The following PLCL2 variants were observed in gnomAD, a reference collection of about 807,000 sequenced individuals.
The protein encoded by PLCL2 is phospholipase C like 2.
A neutral mutation model predicts 79.6 loss-of-function variants in PLCL2; 4 were observed. The observed-to-expected ratio is 0.05, with a 90% CI of 0.02 to 0.11. The LOEUF (loss-of-function observed/expected upper bound fraction) is 0.11. Ranked by LOEUF, PLCL2 falls within the 10% of genes least tolerant of loss-of-function variation. PLCL2 has a pLI of 1.00. For missense variants in PLCL2, 895 were observed against 1,291.0 expected, an observed-to-expected ratio of 0.69 and a Z score of 4.70; for synonymous variants, 484 against 457.7, an observed-to-expected ratio of 1.06 and a Z score of -0.73.
intron 4 of PLCL2, among the ~76,000 whole-genome samples, chr3:17,061,903 G>A (rs1487557710): frequency 6.6e-6 from 1 of 152,094 alleles, no homozygotes; most frequent in Non-Finnish European, 1.5e-5. Context: ...CATCACCTAA[G>A]GATTTTCCAT....
intron 1 of PLCL2, among the ~76,000 whole-genome samples, chr3:16,952,197 G>A (rs1265852383): frequency 6.6e-6 from 1 of 151,608 alleles, no homozygotes; most frequent in Non-Finnish European, 1.5e-5. Flanking sequence ...GAGACAAGGG[G>A]AGGGAGAGCA....
intron 1 of PLCL2, among the ~76,000 whole-genome samples, chr3:16,941,603 ACT>A (rs1421250074): frequency 1.3e-5 from 2 of 151,998 alleles, no homozygotes. Flanking sequence ...CATGATGTTG[ACT>A]CTGCCTGGAA....
At chr3:17,042,752 T>A in intron 3 of PLCL2, 122 bp from the exon 4 acceptor site, 2 of 675,874 alleles carry the variant, frequency 3.0e-6, no homozygotes, top group South Asian at 3.5e-5. Flanking sequence ...TAGTGGAAAG[T>A]CAGATAAAAA....
At chr3:17,063,103 A>T (rs2064968152) in intron 4 of PLCL2, among the ~76,000 whole-genome samples, 1 of 151,710 alleles carries the variant, frequency 6.6e-6, no homozygotes, top group East Asian at 1.9e-4. Context: ...AAATATGCAG[A>T]TGATCATCAC....
At chr3:16,918,115 A>G (rs1697040013) in intron 1 of PLCL2, among the ~76,000 whole-genome samples, 1 of 152,206 alleles carries the variant, frequency 6.6e-6, no homozygotes, top group Non-Finnish European at 1.5e-5. Flanking sequence ...ACTGTTCAAC[A>G]CAGTCTTGGT....
At chr3:17,054,021 T>C (rs554450115) in intron 4 of PLCL2, among the ~76,000 whole-genome samples, 1 of 152,332 alleles carries the variant, frequency 6.6e-6, no homozygotes, top group South Asian at 2.1e-4. Context: ...TTTTCCAACT[T>C]TTATGCTCTG....
intron 1 of PLCL2, among the ~76,000 whole-genome samples, chr3:16,903,478 G>A (rs530456231): frequency 1.3e-5 from 2 of 152,200 alleles, no homozygotes; most frequent in African/African-American, 4.8e-5. Context: ...CTCTTATATT[G>A]GAAAAATACT....
In PLCL2 at chr3:17,019,574, T is replaced by C. The variant is rs528236605; in HGVS notation, c.3018+4663T>C. 7.9e-5 allele frequency among the ~76,000 whole-genome samples: 12 copies of C among 151,532 alleles called. No homozygotes were observed. The East Asian group carries it at 1.7e-3, about 22-fold the overall frequency. On this transcript the variant is annotated intron_variant, in intron 3 of 5. Coordinates refer to ENST00000615277, the MANE Select transcript of PLCL2 (RefSeq NM_001144382.2). ...CCAAGTAACTGTAATAATAATAATA[T>C]ACAGTTATTCATGTGGGGCTCTTGA...
chr3:17,031,018 C>G (rs1460246219), intron 3 of PLCL2, among the ~76,000 whole-genome samples: 1 of 152,132 alleles, frequency 6.6e-6, no homozygotes, highest in East Asian at 1.9e-4. Context: ...CATGTCAGAA[C>G]TAAAGGGTCC....
At position 17,010,033 on chromosome 3, in the gene PLCL2, G is replaced by A. The variant is rs769520050; in HGVS notation, c.687G>A (p.Leu229=). The A allele has an allele frequency of 6.2e-7, 1 of 1,613,266 alleles. No individual in the cohort carries two copies. The highest frequency in any genetic ancestry group is 8.5e-7 in the Non-Finnish European group (1 of 1,179,246). The change falls in exon 2 of 6, where the codon CTG becomes CTA. Residue 229 remains leucine, a synonymous_variant. Coordinates refer to ENST00000615277, the MANE Select transcript of PLCL2 (RefSeq NM_001144382.2). This position sits in a 1 kb window ranked among gnomAD's most constrained non-coding sequence, Gnocchi z 5.8. ...SVIYGENYES[L]DLVANSADVA... ...TATATGGAGAGAATTATGAGTCACT[G>A]GATTTGGTTGCCAACTCCGCAGATG...
intron 1 of PLCL2, among the ~76,000 whole-genome samples, chr3:16,930,347 A>C (rs564282564): frequency 6.6e-6 from 1 of 152,322 alleles, no homozygotes; most frequent in African/African-American, 2.4e-5. Context: ...GGCTGAGAGA[A>C]AACAATGGCC....
chr3:16,984,846 G>C (rs771739360), intron 1 of PLCL2, among the ~76,000 whole-genome samples: 2 of 151,994 alleles, frequency 1.3e-5, no homozygotes, highest in Non-Finnish European at 1.5e-5. Context: ...GCAGGATAAT[G>C]ATGTGAACCT....
chr3:17,090,219 T>A lies in PLCL2; in HGVS notation c.*307T>A, dbSNP rs1025146172. 6.9e-6 allele frequency: 7 copies of A among 1,021,808 alleles called. No homozygotes were observed. The highest frequency in any genetic ancestry group is 4.7e-4 in the Middle Eastern group (1 of 2,124). 63.3% of individuals were successfully genotyped at this position (1,021,808 alleles called of 1,614,324 possible). Reference sequence around the variant, plus strand: ...CTAGCTCCACTGAGAAACATTTTCCTAAGTGAAAACAATTTCTTAAGATGG... The same window carrying A: ...CTAGCTCCACTGAGAAACATTTTCCAAAGTGAAAACAATTTCTTAAGATGG... On this transcript the variant is annotated 3_prime_UTR_variant, in exon 6 of 6. Coordinates refer to ENST00000615277, the MANE Select transcript of PLCL2 (RefSeq NM_001144382.2).
intron 1 of PLCL2, among the ~76,000 whole-genome samples, chr3:17,004,151 G>T (rs1484472043): frequency 6.6e-6 from 1 of 152,132 alleles, no homozygotes; most frequent in East Asian, 1.9e-4. Flanking sequence ...GTTTCTGTGT[G>T]ACCGTGGCTC....
chr3:17,043,025 TTTGGATG>T, intron 4 of PLCL2, 76 bp downstream of exon 4: 1 of 928,118 alleles, frequency 1.1e-6, no homozygotes, highest in Non-Finnish European at 1.8e-6. Flanking sequence ...TATTTCATTT[TTTGGATG>T]CTATATCAAG....
At chr3:16,929,209 T>TG (rs370443758) in intron 1 of PLCL2, among the ~76,000 whole-genome samples, 147,743 of 147,756 alleles carry the variant, frequency 1, 73,868 homozygotes, top group Middle Eastern at 1. Flanking sequence ...GAGGAGGGAA[T>TG]GGGCTACAGG....
intron 1 of PLCL2, among the ~76,000 whole-genome samples, chr3:16,955,286 C>T (rs2063693641): frequency 6.6e-6 from 1 of 152,170 alleles, no homozygotes; most frequent in African/African-American, 2.4e-5. Flanking sequence ...AATAGGGAAT[C>T]TTTCCTCCCA....
chr3:16,959,017 C>G (rs2063731485), intron 1 of PLCL2, among the ~76,000 whole-genome samples: 1 of 152,192 alleles, frequency 6.6e-6, no homozygotes, highest in African/African-American at 2.4e-5. Flanking sequence ...ATTATCCTTC[C>G]AGCTTCCCAA....
chr3:16,934,662 A>G (rs1697495969), intron 1 of PLCL2, among the ~76,000 whole-genome samples: 1 of 152,130 alleles, frequency 6.6e-6, no homozygotes, highest in South Asian at 2.1e-4. Flanking sequence ...GTAAACCGGA[A>G]AGGGATGGGA....
Sources: gnomAD v4.1 joint callset for allele counts (sites outside exome capture counted in the v4.1 genomes callset) on GRCh38, gnomAD v4.1.1 for gene constraint, Gnocchi (gnomAD v3.1) non-coding constraint, MANE v1.5 for transcripts, NCBI Gene and HGNC (gene_info 2026-07-23, HGNC 2026-07-21) for gene names.